The following PEX5L variants were observed in gnomAD, a reference collection of about 807,000 sequenced individuals.
PEX5L encodes the protein peroxisomal biogenesis factor 5 like.
A neutral mutation model predicts 84.0 loss-of-function variants in PEX5L; 30 were observed. The ratio of observed to expected loss-of-function variants is 0.36; its 90% CI spans 0.27 to 0.48. The LOEUF is 0.48. Among genes scored for constraint, PEX5L ranks in the 20% least tolerant of loss-of-function variants. PEX5L has a pLI of 0.99. For synonymous variants in PEX5L, 270 were observed against 283.1 expected, an observed-to-expected ratio of 0.95 and a Z score of 0.46; for missense variants, 533 against 754.6, an observed-to-expected ratio of 0.71 and a Z score of 3.44.
At chr3:179,961,883 G>A (rs563786418) in intron 2 of PEX5L, among the ~76,000 whole-genome samples, 7 of 152,228 alleles carry the variant, frequency 4.6e-5, no homozygotes, top group South Asian at 4.2e-4. Context: ...CTGTCGATAC[G>A]GTTCACAATC....
Position 179,807,851 on chromosome 3 carries a change from T to A in PEX5L, c.1519-20A>T, listed in dbSNP as rs1454409106. 3.1e-6 allele frequency: 5 copies of A among 1,607,948 alleles called. No individual in the cohort carries two copies. Among genetic ancestry groups the A allele is most frequent in the Non-Finnish European group, 4.2e-6 (5 of 1,176,808 alleles). On this transcript the variant is annotated intron_variant, in intron 13 of 14. Transcript: ENST00000467460. Reference sequence around the variant, plus strand: ...ATAGTCCTGATGACAAAATCAGAACTTTCTAACAACCCAGTACAAGGCACA... The same window carrying A: ...ATAGTCCTGATGACAAAATCAGAACATTCTAACAACCCAGTACAAGGCACA...
At chr3:179,927,963 A>G (rs1771931405) in intron 2 of PEX5L, among the ~76,000 whole-genome samples, 1 of 152,176 alleles carries the variant, frequency 6.6e-6, no homozygotes, top group South Asian at 2.1e-4. Context: ...AATGAAGTAT[A>G]TATTTCTGGG....
At chr3:179,874,193 A>C in intron 7 of PEX5L, 134 bp downstream of exon 7, 1 of 498,428 alleles carries the variant, frequency 2.0e-6, no homozygotes, top group Non-Finnish European at 3.5e-6. Context: ...TGAGATAGCT[A>C]CTGAATGAAA....
chr3:179,936,191 G>T (rs1228446589), intron 2 of PEX5L, among the ~76,000 whole-genome samples: 1 of 152,146 alleles, frequency 6.6e-6, no homozygotes, highest in Non-Finnish European at 1.5e-5. Flanking sequence ...GAGAGTGGTG[G>T]AGTTGAGCCA....
chr3:179,835,953 A>G lies in PEX5L; in HGVS notation c.823-15977T>C, dbSNP rs953479749. ...CTGTATTGGTATTTTTTGATCAAAT[A>G]CTTCAGAAAATTTTTAGAAAATAAT... On this transcript the variant is annotated intron_variant, in intron 8 of 14. Coordinates refer to ENST00000467460, the MANE Select transcript of PEX5L (RefSeq NM_016559.3). 2.6e-5 allele frequency among the ~76,000 whole-genome samples: 4 copies of G among 152,124 alleles called. No individual in the cohort carries two copies. In the South Asian group the frequency reaches 8.3e-4, roughly 31 times the overall value.
chr3:179,946,017 G>T (rs1277305659), intron 2 of PEX5L, among the ~76,000 whole-genome samples: 1 of 143,956 alleles, frequency 6.9e-6, no homozygotes, highest in Non-Finnish European at 1.5e-5. Flanking sequence ...AGTACTGAAA[G>T]TTTTTTTTTT....
At chr3:179,883,252 C>G (rs533078493) in intron 4 of PEX5L, among the ~76,000 whole-genome samples, 22 of 152,146 alleles carry the variant, frequency 1.4e-4, no homozygotes, top group Admixed American at 3.3e-4. Flanking sequence ...TCAGTCACCA[C>G]TCACAGCTTC....
At chr3:179,993,660 CG>C (rs1787590966) in intron 1 of PEX5L, among the ~76,000 whole-genome samples, 1 of 151,972 alleles carries the variant, frequency 6.6e-6, no homozygotes, top group African/African-American at 2.4e-5. Context: ...CCACCACACC[CG>C]GCTAATTTTT....
chr3:179,958,322 C>T (rs1467176890), intron 2 of PEX5L, among the ~76,000 whole-genome samples: 1 of 152,238 alleles, frequency 6.6e-6, no homozygotes, highest in East Asian at 1.9e-4. Context: ...CATGTACTGC[C>T]GCACAGGCTG....
intron 1 of PEX5L, among the ~76,000 whole-genome samples, chr3:179,975,014 T>C (rs1280329086): frequency 6.6e-6 from 1 of 151,920 alleles, no homozygotes; most frequent in East Asian, 1.9e-4. Flanking sequence ...CTGGGCAACA[T>C]AGCAAAACCT....
At chr3:180,002,527 A>G (rs1325348364) in intron 1 of PEX5L, among the ~76,000 whole-genome samples, 1 of 152,086 alleles carries the variant, frequency 6.6e-6, no homozygotes, top group Non-Finnish European at 1.5e-5. Context: ...GAAAATTCCC[A>G]TTTGTATATT....
At chr3:179,887,452 T>C (rs1756251085) in intron 4 of PEX5L, among the ~76,000 whole-genome samples, 1 of 152,248 alleles carries the variant, frequency 6.6e-6, no homozygotes, top group African/African-American at 2.4e-5. Context: ...AAAACATGAT[T>C]CATTGCTAAT....
Position 179,859,015 on chromosome 3 carries a change from A to G in PEX5L, c.822+47T>C, listed in dbSNP as rs377492602. ...GCTGAAGTTTGATTTTTCAAATGCC[A>G]CTCTCAGGAGCATGAAACAGAAAAA... On this transcript the variant is annotated intron_variant, in intron 8 of 14. Coordinates refer to ENST00000467460, the MANE Select transcript of PEX5L (RefSeq NM_016559.3). 22 of 1,218,952 alleles carry G rather than the reference A, an allele frequency of 1.8e-5. No individual in the cohort carries two copies. In the African/African-American group the frequency reaches 2.5e-4, roughly 14 times the overall value. The allele number at this position is 1,218,952 out of a possible 1,614,324, so 75.5% of individuals were successfully genotyped here. A position where few individuals can be genotyped will look rare whatever the true frequency, so the allele number is the denominator to read the frequency against.
rs776716250 is a variant in PEX5L at position 179,801,988 on chromosome 3, T to C, written c.1721A>G (p.Lys574Arg). 2.7e-5 allele frequency: 44 copies of C among 1,613,928 alleles called. No homozygotes were observed. Among genetic ancestry groups the C allele is most frequent in the Non-Finnish European group, 3.3e-5 (39 of 1,179,976 alleles). ...AGGAACTTGCTGCTGATTCCTGCTCTTTCTTTGCAAACTGAGGGCAGTGAG... is the reference window on the plus strand; with the variant it reads ...AGGAACTTGCTGCTGATTCCTGCTCCTTCTTTGCAAACTGAGGGCAGTGAG... ...NFLTALSLQR[K>R]SRNQQQVPHP... The change falls in exon 15 of 15, where the codon AAG becomes AGG. Residue 574 changes from lysine to arginine, a missense_variant. Physicochemically the swap from Lys to Arg is conservative, Grantham distance 26. Around this residue, in one of 8 missense-constraint regions of PEX5L, gnomAD observed 105 missense variants for 204.6 expected, o/e 0.51. Coordinates refer to ENST00000467460, the MANE Select transcript of PEX5L (RefSeq NM_016559.3).
chr3:180,025,476 CT>C (rs1334782151), intron 1 of PEX5L, among the ~76,000 whole-genome samples: 3 of 152,110 alleles, frequency 2.0e-5, no homozygotes, highest in African/African-American at 7.2e-5. Context: ...ATAATTAAAG[CT>C]ATATGTTAAT....
At chr3:179,897,775 T>C (rs1759841457) in intron 3 of PEX5L, among the ~76,000 whole-genome samples, 1 of 152,166 alleles carries the variant, frequency 6.6e-6, no homozygotes, top group Non-Finnish European at 1.5e-5. Context: ...TTGTTTTTAT[T>C]CATAGGAATT....
intron 1 of PEX5L, among the ~76,000 whole-genome samples, chr3:180,036,223 T>G (rs903320512): frequency 2.0e-5 from 3 of 152,254 alleles, no homozygotes; most frequent in African/African-American, 2.4e-5. Context: ...TATTATTGTT[T>G]GCCCTTCAGT....
intron 8 of PEX5L, among the ~76,000 whole-genome samples, chr3:179,853,378 C>T (rs73058666): frequency 9.2e-5 from 14 of 152,310 alleles, no homozygotes; most frequent in African/African-American, 3.4e-4. Flanking sequence ...TTCCTGCTAA[C>T]GTTGATGAAG....
At chr3:179,975,762 G>A (rs550491789) in intron 1 of PEX5L, among the ~76,000 whole-genome samples, 6 of 152,238 alleles carry the variant, frequency 3.9e-5, no homozygotes, top group Non-Finnish European at 7.4e-5. Flanking sequence ...CCTTCCCACA[G>A]CTGCAAAATT....
Sources: allele counts gnomAD v4.1 joint callset (sites outside exome capture counted in the v4.1 genomes callset), GRCh38; gene constraint gnomAD v4.1.1; regional missense constraint gnomAD v4.1.1; transcripts MANE v1.5; gene names NCBI Gene and HGNC (gene_info 2026-07-23, HGNC 2026-07-21).